GALNT16: variants seen among roughly 807,000 people sequenced by gnomAD.
GALNT16 encodes the protein polypeptide N-acetylgalactosaminyltransferase 16.
A neutral mutation model predicts 76.1 loss-of-function variants in GALNT16; 40 were observed. The observed-to-expected ratio is 0.53, with a 90% CI of 0.41 to 0.68. GALNT16 has a LOEUF of 0.68. Among genes scored for constraint, GALNT16 ranks in the 30% least tolerant of loss-of-function variants. The pLI is 0.00. For missense variants in GALNT16, 621 were observed against 731.9 expected (o/e 0.85, Z 1.75); for synonymous variants, 276 against 285.2 (o/e 0.97, Z 0.32).
In GALNT16 at chr14:69,284,849, A is replaced by G. The variant is rs754066570; in HGVS notation, c.177+24382A>G. Reference sequence around the variant, plus strand: ...TTCTCTTGATAGCAAGTGAGTTCTCATGAGATCCAATGGTTTTATAAGGGG... The same window carrying G: ...TTCTCTTGATAGCAAGTGAGTTCTCGTGAGATCCAATGGTTTTATAAGGGG... On this transcript the variant is annotated intron_variant, in intron 1 of 14. Transcript: ENST00000448469. 2.6e-4 allele frequency among the ~76,000 whole-genome samples: 39 copies of G among 152,072 alleles called. 1 individual carries two copies. Among genetic ancestry groups the G allele is most frequent in the South Asian group, 1.7e-3 (8 of 4,808 alleles).
At chr14:69,344,287 G>A (rs962671360) in intron 12 of GALNT16, among the ~76,000 whole-genome samples, 4 of 152,262 alleles carry the variant, frequency 2.6e-5, no homozygotes, top group African/African-American at 9.6e-5. Flanking sequence ...TTCAGGCTGT[G>A]CGTTGCACAA....
chr14:69,339,069 C>T (rs558507648), intron 10 of GALNT16, among the ~76,000 whole-genome samples: 5 of 152,218 alleles, frequency 3.3e-5, no homozygotes, highest in South Asian at 4.2e-4. Context: ...CATGGAGCCC[C>T]GAGTGCTGGT....
intron 1 of GALNT16, among the ~76,000 whole-genome samples, chr14:69,288,318 A>C (rs1000349472): frequency 6.6e-6 from 1 of 152,196 alleles, no homozygotes; most frequent in Admixed American, 6.5e-5. Flanking sequence ...GCGTCTTTAG[A>C]AAGCCACAGG....
chr14:69,321,090 C>G (rs1001883793), intron 2 of GALNT16, among the ~76,000 whole-genome samples: 2 of 152,212 alleles, frequency 1.3e-5, no homozygotes, highest in Non-Finnish European at 2.9e-5. Context: ...CAAGGAGGCC[C>G]CAAGGCACTT....
the GALNT16 span, among the ~76,000 whole-genome samples, chr14:69,365,139 C>T: frequency 6.6e-6 from 1 of 152,130 alleles, no homozygotes; most frequent in African/African-American, 2.4e-5. Flanking sequence ...AAATTATTAA[C>T]AATAGTATGC....
At chr14:69,374,889 G>T in the GALNT16 span, among the ~76,000 whole-genome samples, 2 of 152,012 alleles carry the variant, frequency 1.3e-5, no homozygotes, top group Non-Finnish European at 2.9e-5. Flanking sequence ...AGAGCAGGGG[G>T]ACTGAACTCA....
intron 4 of GALNT16, among the ~76,000 whole-genome samples, 170 bp downstream of exon 4, chr14:69,325,574 C>T (rs2045271215): frequency 1.3e-5 from 2 of 152,116 alleles, no homozygotes; most frequent in African/African-American, 2.4e-5. Flanking sequence ...TCCCTGGTGT[C>T]AAAGGAGGGG....
intron 1 of GALNT16, among the ~76,000 whole-genome samples, chr14:69,268,253 A>G (rs2044364694): frequency 6.6e-6 from 1 of 152,076 alleles, no homozygotes; most frequent in East Asian, 1.9e-4. Context: ...TAGCCACAAC[A>G]CCCATGGACT....
intron 1 of GALNT16, among the ~76,000 whole-genome samples, chr14:69,314,678 G>A (rs1147474): frequency 0.065 from 9,881 of 152,256 alleles, 609 homozygotes; most frequent in East Asian, 0.32. Context: ...CAGAGATGTC[G>A]AATTATGTGC....
chr14:69,360,652 G>C (rs1392974371), downstream of GALNT16, among the ~76,000 whole-genome samples: 1 of 149,870 alleles, frequency 6.7e-6, no homozygotes, highest in Non-Finnish European at 1.5e-5. Context: ...AGAGAGGAGA[G>C]GAGAGAAGAA....
chr14:69,308,252 C>A (rs1243628527), intron 1 of GALNT16, among the ~76,000 whole-genome samples: 1 of 151,226 alleles, frequency 6.6e-6, no homozygotes, highest in Non-Finnish European at 1.5e-5. Context: ...TAAGGTTCAC[C>A]TGTTTCTTAA....
chr14:69,335,997 A>C (rs1395754386), intron 9 of GALNT16, among the ~76,000 whole-genome samples: 1 of 152,138 alleles, frequency 6.6e-6, no homozygotes, highest in Non-Finnish European at 1.5e-5. Flanking sequence ...CATTCTGAGG[A>C]AAACCCAAAC....
At chr14:69,268,198 G>C (rs556921466) in intron 1 of GALNT16, among the ~76,000 whole-genome samples, 1 of 152,250 alleles carries the variant, frequency 6.6e-6, no homozygotes, top group African/African-American at 2.4e-5. Flanking sequence ...CAACAATCTA[G>C]GAAGACCAGA....
At chr14:69,290,910 G>A (rs1247747923) in intron 1 of GALNT16, among the ~76,000 whole-genome samples, 1 of 152,218 alleles carries the variant, frequency 6.6e-6, no homozygotes, top group African/African-American at 2.4e-5. Flanking sequence ...GAAGCTTCAG[G>A]ACCCACAGAG....
At chr14:69,385,219 GA>G in the GALNT16 span, among the ~76,000 whole-genome samples, 1 of 151,930 alleles carries the variant, frequency 6.6e-6, no homozygotes, top group African/African-American at 2.4e-5. Context: ...GAGAGACTAG[GA>G]AAAAAATCCC....
intron 1 of GALNT16, among the ~76,000 whole-genome samples, chr14:69,320,330 A>G (rs1168541273): frequency 6.6e-6 from 1 of 152,136 alleles, no homozygotes; most frequent in Non-Finnish European, 1.5e-5. Context: ...CTCCACCTCT[A>G]CCAAAACTAT....
At chr14:69,375,411 G>C in the GALNT16 span, among the ~76,000 whole-genome samples, 4 of 151,964 alleles carry the variant, frequency 2.6e-5, no homozygotes, top group African/African-American at 7.3e-5. Context: ...TTAATGACTG[G>C]GTCTAAATTT....
chr14:69,373,041 C>T, the GALNT16 span, among the ~76,000 whole-genome samples: 1 of 152,176 alleles, frequency 6.6e-6, no homozygotes, highest in Non-Finnish European at 1.5e-5. Context: ...GTGTCAAGGA[C>T]AAAGTGATCT....
chr14:69,293,044 A>G (rs939869572), intron 1 of GALNT16, among the ~76,000 whole-genome samples: 4 of 151,982 alleles, frequency 2.6e-5, no homozygotes, highest in African/African-American at 9.7e-5. Context: ...CTCTGCACAT[A>G]TTACATTATG....
Sources: gnomAD v4.1 joint callset for allele counts (sites outside exome capture counted in the v4.1 genomes callset) on GRCh38, gnomAD v4.1.1 for gene constraint, MANE v1.5 for transcripts, NCBI Gene and HGNC (gene_info 2026-07-23, HGNC 2026-07-21) for gene names.